NCOA2: variants seen among roughly 807,000 people sequenced by gnomAD.
The protein encoded by NCOA2 is class E basic helix-loop-helix protein 75.
A neutral mutation model predicts 145.1 loss-of-function variants in NCOA2; 21 were observed. The observed-to-expected ratio is 0.14, with a 90% CI of 0.10 to 0.21. The LOEUF is 0.21. Ranked by LOEUF, NCOA2 falls within the 10% of genes least tolerant of loss-of-function variation. The pLI, the probability that NCOA2 is intolerant of heterozygous loss-of-function variation, is 1.00. For synonymous variants in NCOA2, 619 were observed against 637.5 expected (o/e 0.97, Z 0.44); for missense variants, 1,472 against 1,837.6 (o/e 0.80, Z 3.64).
chr8:70,277,662 C>A (rs1044824042), intron 2 of NCOA2, among the ~76,000 whole-genome samples: 2 of 152,100 alleles, frequency 1.3e-5, no homozygotes, highest in African/African-American at 4.8e-5. Flanking sequence ...TTTTAGGTCA[C>A]GTTTATACAC....
the NCOA2 span, chr8:70,424,499 C>A: frequency 1.9e-6 from 1 of 528,180 alleles, no homozygotes. Context: ...ATGGCAAAGG[C>A]TATTTTCTGC....
intron 2 of NCOA2, among the ~76,000 whole-genome samples, chr8:70,226,645 T>C (rs561538143): frequency 7.9e-6 from 1 of 126,094 alleles, no homozygotes; most frequent in African/African-American, 3.1e-5. Flanking sequence ...TACTTAAAAC[T>C]TATGTTTTAA....
intron 1 of NCOA2, among the ~76,000 whole-genome samples, chr8:70,398,378 G>C (rs982248585): frequency 6.6e-6 from 1 of 152,138 alleles, no homozygotes; most frequent in Non-Finnish European, 1.5e-5. Flanking sequence ...AGGATCACTT[G>C]AGCCTAGGAG....
chr8:70,162,298 A>G lies in NCOA2; in HGVS notation c.976+413T>C, dbSNP rs531042389. On this transcript the variant is annotated intron_variant, in intron 9 of 22. Coordinates refer to ENST00000452400, the MANE Select transcript of NCOA2 (RefSeq NM_006540.4). ...AACACCTGGATAGTCTTTGTTGGTT[A>G]CCACCTTGAAGAAGGGCTTGGGGTC... Among the ~76,000 whole-genome samples the G allele has an allele frequency of 9.1e-4, 139 of 152,288 alleles. 1 individual carries two copies. The highest frequency in any genetic ancestry group is 3.2e-3 in the African/African-American group (132 of 41,556).
chr8:70,341,660 C>T (rs1030185569), intron 1 of NCOA2, among the ~76,000 whole-genome samples: 1 of 152,200 alleles, frequency 6.6e-6, no homozygotes, highest in Non-Finnish European at 1.5e-5. Context: ...AAATATTACT[C>T]ATGACTGCTC....
chr8:70,129,463 A>G (rs1048141161), intron 16 of NCOA2, among the ~76,000 whole-genome samples: 1 of 152,198 alleles, frequency 6.6e-6, no homozygotes, highest in African/African-American at 2.4e-5. Flanking sequence ...AATGAGACTT[A>G]AAGACATGAA....
At chr8:70,426,701 C>T in the NCOA2 span, among the ~76,000 whole-genome samples, 4,057 of 152,132 alleles carry the variant, frequency 0.027, 196 homozygotes, top group African/African-American at 0.09. Flanking sequence ...GTTCTGTGCC[C>T]GGCATGTAGT....
At chr8:70,349,003 T>C (rs1212036689) in intron 1 of NCOA2, among the ~76,000 whole-genome samples, 2 of 106,200 alleles carry the variant, frequency 1.9e-5, no homozygotes, top group Non-Finnish European at 3.7e-5. Flanking sequence ...GTGGGGGGCA[T>C]GGCAGTGGGG....
At chr8:70,140,295 T>C (rs2131795495) in intron 14 of NCOA2, among the ~76,000 whole-genome samples, 1 of 152,310 alleles carries the variant, frequency 6.6e-6, no homozygotes, top group Middle Eastern at 3.4e-3. Flanking sequence ...CTCCTGGCCC[T>C]AGGTAACCAC....
At chr8:70,409,489 G>T in the NCOA2 span, among the ~76,000 whole-genome samples, 3 of 152,188 alleles carry the variant, frequency 2.0e-5, no homozygotes, top group African/African-American at 7.2e-5. Flanking sequence ...GCTACAACTA[G>T]GTATCAGTTT....
chr8:70,139,164 G>A (rs1251251049), intron 14 of NCOA2, among the ~76,000 whole-genome samples: 1 of 152,158 alleles, frequency 6.6e-6, no homozygotes, highest in African/African-American at 2.4e-5. Context: ...GATGAGATGA[G>A]CTTTTAAAAA....
chr8:70,417,850 C>T, the NCOA2 span, among the ~76,000 whole-genome samples: 1 of 152,146 alleles, frequency 6.6e-6, no homozygotes, highest in Non-Finnish European at 1.5e-5. Flanking sequence ...TGACTAGTTT[C>T]CCCTGGCAAT....
chr8:70,428,590 C>G, the NCOA2 span, among the ~76,000 whole-genome samples: 1 of 152,130 alleles, frequency 6.6e-6, no homozygotes, highest in African/African-American at 2.4e-5. Context: ...CGCCACTGCA[C>G]TTTACCTGGG....
chr8:70,138,379 A>G, intron 14 of NCOA2, 47 bp from the exon 15 acceptor site: 2 of 1,526,574 alleles, frequency 1.3e-6, no homozygotes. Context: ...TCAAGGAAGC[A>G]TTTATTTCTG....
At chr8:70,190,650 G>A (rs1212479187) in intron 4 of NCOA2, among the ~76,000 whole-genome samples, 8 of 152,066 alleles carry the variant, frequency 5.3e-5, no homozygotes, top group Admixed American at 3.9e-4. Context: ...TCAGGAGTTC[G>A]AGACCAGCCT....
intron 4 of NCOA2, among the ~76,000 whole-genome samples, chr8:70,175,251 C>T (rs1814697188): frequency 6.6e-6 from 1 of 152,254 alleles, no homozygotes; most frequent in Non-Finnish European, 1.5e-5. Context: ...AGCATAATCA[C>T]AGATAGATTT....
chr8:70,228,733 A>G (rs964660416), intron 2 of NCOA2, among the ~76,000 whole-genome samples: 2 of 152,244 alleles, frequency 1.3e-5, no homozygotes, highest in East Asian at 3.8e-4. Context: ...TTTAGCTATA[A>G]CTAGCAAGTA....
At chr8:70,203,370 C>G (rs997500316) in intron 4 of NCOA2, among the ~76,000 whole-genome samples, 1 of 151,872 alleles carries the variant, frequency 6.6e-6, no homozygotes, top group South Asian at 2.1e-4. Flanking sequence ...AAATTAGTCA[C>G]AGTTCCCTCT....
chr8:70,387,512 T>C (rs1812775227), intron 1 of NCOA2, among the ~76,000 whole-genome samples: 1 of 152,144 alleles, frequency 6.6e-6, no homozygotes, highest in Non-Finnish European at 1.5e-5. Context: ...ACAGTAACGC[T>C]TCAACTTTCT....
Sources: allele counts gnomAD v4.1 joint callset (sites outside exome capture counted in the v4.1 genomes callset), GRCh38; gene constraint gnomAD v4.1.1; transcripts MANE v1.5; gene names NCBI Gene and HGNC (gene_info 2026-07-23, HGNC 2026-07-21).